The following CHN2 variants were observed in gnomAD, a reference collection of about 807,000 sequenced individuals.
CHN2 encodes the protein beta-chimaerin.
A neutral mutation model predicts 56.3 loss-of-function variants in CHN2; 35 were observed. The ratio of observed to expected loss-of-function variants is 0.62; its 90% CI spans 0.47 to 0.82. CHN2 has a LOEUF of 0.82. Ranked by LOEUF, CHN2 falls within the 40% of genes least tolerant of loss-of-function variation. CHN2 has a pLI of 0.00. For synonymous variants in CHN2, 210 were observed against 212.8 expected (o/e 0.99, Z 0.12); for missense variants, 491 against 580.5 (o/e 0.85, Z 1.58).
intron 9 of CHN2, among the ~76,000 whole-genome samples, chr7:29,504,083 C>T (rs28391729): frequency 0.022 from 3,314 of 152,190 alleles, 119 homozygotes; most frequent in African/African-American, 0.076. Flanking sequence ...TAACAAGTAA[C>T]CGTTTTTAAT....
upstream of CHN2, chr7:29,191,495 G>C (rs1164920047): frequency 6.6e-6 from 1 of 152,254 alleles, no homozygotes; most frequent in African/African-American, 2.4e-5. Context: ...CACCATGAAA[G>C]AGGGTTGCCT....
chr7:29,213,117 C>G (rs182788355), intron 1 of CHN2: 9 of 1,587,612 alleles, frequency 5.7e-6, no homozygotes, highest in Non-Finnish European at 7.7e-6. Context: ...CAGGGGAAGG[C>G]CTTAATGTAA....
rs188084770 is a variant in CHN2, at chr7:29,433,983, A to G, written c.576+33155A>G. On this transcript the variant is annotated intron_variant, in intron 6 of 12. Coordinates refer to ENST00000222792, the MANE Select transcript of CHN2 (RefSeq NM_004067.4). ...CAGTTCTCTGTTAACCACAACTGAA[A>G]GAGATAAACCGGTAGTGTGTCCTGG... Among the ~76,000 whole-genome samples the G allele has an allele frequency of 7.2e-5, 11 of 152,270 alleles. No homozygotes were observed. The East Asian group carries it at 2.1e-3, about 29-fold the overall frequency.
chr7:29,209,201 C>T (rs372341291), intron 1 of CHN2, among the ~76,000 whole-genome samples: 9 of 152,012 alleles, frequency 5.9e-5, no homozygotes, highest in South Asian at 2.1e-4. Flanking sequence ...GAGGCCTGAA[C>T]GGAACAGGGT....
chr7:29,256,846 G>A (rs1445326234), intron 1 of CHN2, among the ~76,000 whole-genome samples: 2 of 152,088 alleles, frequency 1.3e-5, no homozygotes, highest in African/African-American at 2.4e-5. Flanking sequence ...CTACCTACAG[G>A]GCCCTCTGTT....
chr7:29,406,532 A>C (rs912037244), intron 6 of CHN2, among the ~76,000 whole-genome samples: 6 of 151,940 alleles, frequency 3.9e-5, no homozygotes, highest in African/African-American at 1.2e-4. Flanking sequence ...TCTACTATTG[A>C]ATAGAACCTG....
At chr7:29,388,361 C>T (rs1006208628) in intron 3 of CHN2, among the ~76,000 whole-genome samples, 2 of 152,172 alleles carry the variant, frequency 1.3e-5, no homozygotes, top group Admixed American at 1.3e-4. Context: ...GCTCTAAGAA[C>T]ACAGCAAGGG....
chr7:29,295,724 T>A (rs1018401685), intron 1 of CHN2, among the ~76,000 whole-genome samples: 13 of 152,218 alleles, frequency 8.5e-5, no homozygotes, highest in African/African-American at 3.1e-4. Context: ...ACTTACTTCT[T>A]TTCATAATAT....
At chr7:29,242,826 G>A (rs1787796383) in intron 1 of CHN2, among the ~76,000 whole-genome samples, 1 of 143,138 alleles carries the variant, frequency 7.0e-6, no homozygotes, top group South Asian at 2.3e-4. Flanking sequence ...ACATTTCTAT[G>A]AGGAAAGTGG....
chr7:29,152,764 C>T (rs1793777728), intron 2 of CHN2, among the ~76,000 whole-genome samples: 1 of 152,196 alleles, frequency 6.6e-6, no homozygotes. Context: ...TTCGGTGCAC[C>T]CCATTGTTAA....
At chr7:29,282,295 G>C (rs77365942) in intron 1 of CHN2, among the ~76,000 whole-genome samples, 4,232 of 152,288 alleles carry the variant, frequency 0.028, 203 homozygotes, top group African/African-American at 0.096. Context: ...TTTAACTCCA[G>C]AAGTTTCCAC....
intron 6 of CHN2, among the ~76,000 whole-genome samples, chr7:29,447,724 TGTG>T (rs1305530000): frequency 2.0e-5 from 3 of 152,162 alleles, no homozygotes; most frequent in Non-Finnish European, 4.4e-5. Flanking sequence ...TTTTCTTGAA[TGTG>T]GTGGTAGTTT....
rs73306859 is a variant in CHN2, at chr7:29,424,778, C to T, written c.576+23950C>T. Among the ~76,000 whole-genome samples, 1,101 of 152,298 alleles carry T rather than the reference C, an allele frequency of 7.2e-3. 18 individuals are homozygous for T. Among genetic ancestry groups the T allele is most frequent in the African/African-American group, 0.025 (1,029 of 41,564 alleles). ...AGAGTTTAAGTACTGCCTCGTCCAC[C>T]GCGCTGCCTTCAGATGGGGCAGGTG... On this transcript the variant is annotated intron_variant, in intron 6 of 12. Coordinates refer to ENST00000222792, the MANE Select transcript of CHN2 (RefSeq NM_004067.4).
intron 1 of CHN2, among the ~76,000 whole-genome samples, chr7:29,313,366 AT>A (rs1794728164): frequency 6.6e-6 from 1 of 152,194 alleles, no homozygotes; most frequent in Non-Finnish European, 1.5e-5. Flanking sequence ...AACTGGGAGG[AT>A]TCCCCTGAAA....
chr7:29,371,520 C>T (rs1017346437), intron 3 of CHN2, among the ~76,000 whole-genome samples: 1 of 152,208 alleles, frequency 6.6e-6, no homozygotes, highest in Middle Eastern at 3.2e-3. Flanking sequence ...CATCAACTAT[C>T]AGTCAGTCAC....
chr7:29,235,038 AT>A (rs1282006086), intron 1 of CHN2, among the ~76,000 whole-genome samples: 2 of 152,196 alleles, frequency 1.3e-5, no homozygotes, highest in East Asian at 1.9e-4. Flanking sequence ...GGTATTAGGG[AT>A]GAGAGATGCC....
chr7:29,400,694 A>G lies in CHN2; in HGVS notation c.442A>G (p.Thr148Ala). ...AGCTGCCGAGTACATTTCAAAAATG[A>G]CAACTAACCCCATCTATGAACACAT... The part of the protein sequence containing the change: ...TKAAEYISKM[T>A]TNPIYEHIGY... Residue 148 changes from threonine (T) to alanine (A), a missense_variant, in exon 6 of 13, where the codon ACA becomes GCA. Coordinates refer to ENST00000222792, the MANE Select transcript of CHN2 (RefSeq NM_004067.4). The G allele has an allele frequency of 6.2e-7, 1 of 1,614,204 alleles. No individual in the cohort carries two copies. The highest frequency in any genetic ancestry group is 1.7e-5 in the Admixed American group (1 of 60,030).
intron 1 of CHN2, among the ~76,000 whole-genome samples, chr7:29,337,652 A>C (rs1043760146): frequency 6.6e-6 from 1 of 152,150 alleles, no homozygotes; most frequent in Non-Finnish European, 1.5e-5. Flanking sequence ...TCCTGCATAC[A>C]TTTGTTCAAG....
At chr7:29,281,512 T>C (rs1791713708) in intron 1 of CHN2, among the ~76,000 whole-genome samples, 1 of 152,214 alleles carries the variant, frequency 6.6e-6, no homozygotes, top group Non-Finnish European at 1.5e-5. Flanking sequence ...TCAAGGAGAA[T>C]GTGTATTTGT....
Sources: gnomAD v4.1 joint callset for allele counts (sites outside exome capture counted in the v4.1 genomes callset) on GRCh38, gnomAD v4.1.1 for gene constraint, MANE v1.5 for transcripts, NCBI Gene and HGNC (gene_info 2026-07-23, HGNC 2026-07-21) for gene names.